The following C2CD3 variants were observed in gnomAD, a reference collection of about 807,000 sequenced individuals.
C2CD3 encodes C2 domain-containing protein 3.
A neutral mutation model predicts 234.0 loss-of-function variants in C2CD3; 148 were observed. That is an observed-to-expected ratio of 0.63 (90% CI 0.55 to 0.72). C2CD3 has a LOEUF of 0.72. Among genes scored for constraint, C2CD3 ranks in the 30% least tolerant of loss-of-function variants. The probability of loss-of-function intolerance (pLI) is 0.00; values close to 1 mark genes in which losing one functional copy is unlikely to be tolerated. For synonymous variants in C2CD3, 1,000 were observed against 1,035.4 expected (o/e 0.97, Z 0.66); for missense variants, 2,577 against 2,811.5 (o/e 0.92, Z 1.89).
chr11:74,107,704 C>A (rs1032744685), intron 12 of C2CD3, among the ~76,000 whole-genome samples: 1 of 151,966 alleles, frequency 6.6e-6, no homozygotes, highest in African/African-American at 2.4e-5. Flanking sequence ...CAAAATTATA[C>A]AACATACTGT....
intron 32 of C2CD3, among the ~76,000 whole-genome samples, chr11:74,025,781 C>A (rs1565204885): frequency 6.6e-6 from 1 of 152,068 alleles, no homozygotes; most frequent in Admixed American, 6.5e-5. Flanking sequence ...TCACCATCAT[C>A]CTATTAGGTA....
At chr11:74,055,802 T>G (rs1953926148) in intron 25 of C2CD3, among the ~76,000 whole-genome samples, 1 of 152,274 alleles carries the variant, frequency 6.6e-6, no homozygotes, top group Non-Finnish European at 1.5e-5. Context: ...CTTCCAATCC[T>G]GCCTCTGTTG....
At chr11:74,108,163 A>G (rs903043731) in intron 12 of C2CD3, 3 of 151,638 alleles carry the variant, frequency 2.0e-5, no homozygotes, top group Non-Finnish European at 4.4e-5. Flanking sequence ...AAAAAAAAAA[A>G]AAAGAAAAGA....
In C2CD3 at chr11:74,085,701, C is replaced by A; in HGVS notation, c.3827G>T (p.Cys1276Phe). Reference sequence around the variant, plus strand: ...TGCTAGGAAACAGGCCTCTCCACTACAGTGCTGAGTCACCAAGTTACATGT... The same window carrying A: ...TGCTAGGAAACAGGCCTCTCCACTAAAGTGCTGAGTCACCAAGTTACATGT... ...EFTCNLVTQH[C>F]SGEACFLAEL... The change falls in exon 21 of 33, where the codon TGT (cysteine) becomes TTT (phenylalanine). Residue 1276 changes from cysteine (C) to phenylalanine (F), a missense_variant. By Grantham distance (205) the Cys-to-Phe change is radical. Coordinates refer to ENST00000334126, the MANE Select transcript of C2CD3 (RefSeq NM_001286577.2). 1 of 1,614,104 alleles carries A rather than the reference C, an allele frequency of 6.2e-7. No homozygotes were observed. The highest frequency in any genetic ancestry group is 8.5e-7 in the Non-Finnish European group (1 of 1,180,004).
At chr11:74,067,595 T>G (rs1165383621) in intron 24 of C2CD3, among the ~76,000 whole-genome samples, 1 of 152,106 alleles carries the variant, frequency 6.6e-6, no homozygotes, top group Non-Finnish European at 1.5e-5. Flanking sequence ...AGGCAAAAAA[T>G]CAGTTAATGG....
chr11:74,013,913 G>A (rs931156496), intron 32 of C2CD3, among the ~76,000 whole-genome samples: 1 of 152,102 alleles, frequency 6.6e-6, no homozygotes, highest in Non-Finnish European at 1.5e-5. Context: ...TTGTCCTCTG[G>A]GTTTAGTCCC....
intron 30 of C2CD3, among the ~76,000 whole-genome samples, chr11:74,035,823 C>T (rs950823740): frequency 6.6e-6 from 1 of 151,530 alleles, no homozygotes; most frequent in Non-Finnish European, 1.5e-5. Flanking sequence ...CTTTCCATTT[C>T]TTCCAGGATA....
chr11:74,054,007 T>A (rs1291080116), intron 26 of C2CD3, among the ~76,000 whole-genome samples: 1 of 152,056 alleles, frequency 6.6e-6, no homozygotes, highest in African/African-American at 2.4e-5. Flanking sequence ...GCGCGGTGGC[T>A]CACGCCTGTA....
At chr11:74,014,468 C>T (rs1951807462) in intron 32 of C2CD3, among the ~76,000 whole-genome samples, 1 of 152,278 alleles carries the variant, frequency 6.6e-6, no homozygotes, top group Admixed American at 6.5e-5. Context: ...TGGTGGAGAC[C>T]CTAGAGACTG....
rs923452271 is a variant in C2CD3 at position 74,159,975 on chromosome 11, T to C, written c.483+1424A>G. On this transcript the variant is annotated intron_variant, in intron 3 of 32. Coordinates refer to ENST00000334126, the MANE Select transcript of C2CD3 (RefSeq NM_001286577.2). ...TCTTTTAACTTTTATACTGTTATTT[T>C]TATGTACTTTTTCTTTGTTTAGATA... Among the ~76,000 whole-genome samples the C allele has an allele frequency of 2.0e-5, 3 of 152,218 alleles. No homozygotes were observed. In the South Asian group the frequency reaches 6.2e-4, roughly 31 times the overall value.
Position 74,074,246 on chromosome 11 carries a change from A to G in C2CD3, c.4951+7T>C. On this transcript the variant is annotated splice_region_variant and intron_variant, in intron 24 of 32. Transcript: ENST00000334126. ...GACATGCTCCTGGGTAGGTGAGGAG[A>G]GCATACCTTTCAAGCTCAAGTGCAT... The G allele has an allele frequency of 6.2e-7, 1 of 1,602,760 alleles. No homozygotes were observed. The highest frequency in any genetic ancestry group is 8.5e-7 in the Non-Finnish European group (1 of 1,171,432).
rs746003507 is a variant in C2CD3, at chr11:74,137,581, A to ATT, written c.955+1137_955+1138dup. On this transcript the variant is annotated intron_variant, in intron 5 of 32. Coordinates refer to ENST00000334126, the MANE Select transcript of C2CD3 (RefSeq NM_001286577.2). ...TTTTTGGAATTTTATATATATATAT[A>ATT]TTTTTTCTTTTTTTTCTTTTTGAGA... Among the ~76,000 whole-genome samples, 498 of 149,456 alleles carry ATT rather than the reference A, an allele frequency of 3.3e-3. 3 individuals carry two copies. The Middle Eastern group carries it at 0.034, about 10-fold the overall frequency.
At chr11:74,081,802 G>T (rs1006541093) in intron 22 of C2CD3, among the ~76,000 whole-genome samples, 1 of 152,152 alleles carries the variant, frequency 6.6e-6, no homozygotes, top group African/African-American at 2.4e-5. Flanking sequence ...TTGGTGTATA[G>T]GAATGCTTGT....
intron 26 of C2CD3, 51 bp from the exon 27 acceptor site, chr11:74,049,593 CTGAG>C: frequency 4.8e-6 from 7 of 1,451,308 alleles, no homozygotes; most frequent in Non-Finnish European, 6.7e-6. Context: ...TGTCCTGCCA[CTGAG>C]ATTAGAGGGT....
At chr11:74,063,544 T>A (rs1954355389) in intron 24 of C2CD3, among the ~76,000 whole-genome samples, 1 of 152,162 alleles carries the variant, frequency 6.6e-6, no homozygotes, top group Non-Finnish European at 1.5e-5. Context: ...ATTATCTCAA[T>A]AGATGCAGAA....
rs182666870 is a variant in C2CD3, at chr11:74,113,636, C to T, written c.1843+144G>A. ...TGGAGGCTGCAGTGAGCAGAGATTG[C>T]GCCACCACACTCCAGCCTGGGCGAA... On this transcript the variant is annotated intron_variant, in intron 11 of 32. Coordinates refer to ENST00000334126, the MANE Select transcript of C2CD3 (RefSeq NM_001286577.2). 6,042 of 659,482 alleles carry T rather than the reference C, an allele frequency of 9.2e-3. 49 individuals carry two copies. The highest frequency in any genetic ancestry group is 0.013 in the Non-Finnish European group (4,542 of 363,184). The allele number at this position is 659,482 out of a possible 1,614,324, so 40.9% of individuals were successfully genotyped here. A position where few individuals can be genotyped will look rare whatever the true frequency, so the allele number is the denominator to read the frequency against.
At chr11:74,165,470 TATTA>T (rs1372692271) in intron 2 of C2CD3, among the ~76,000 whole-genome samples, 4 of 152,248 alleles carry the variant, frequency 2.6e-5, no homozygotes, top group African/African-American at 4.8e-5. Flanking sequence ...TGTGACAACA[TATTA>T]ATTAGTTTAC....
intron 10 of C2CD3, 92 bp downstream of exon 10, chr11:74,114,291 TC>T (rs1299848110): frequency 1.2e-6 from 1 of 846,932 alleles, no homozygotes; most frequent in African/African-American, 1.7e-5. Flanking sequence ...TGAAAACACA[TC>T]CCAAATCACA....
intron 7 of C2CD3, chr11:74,129,806 ACTCCGT>A (rs1225813581): frequency 5.2e-6 from 1 of 190,558 alleles, no homozygotes; most frequent in Non-Finnish European, 1.0e-5. Flanking sequence ...CGTGAACGAG[ACTCCGT>A]CTGCAATCCC....
Sources: gnomAD v4.1 joint callset for allele counts (sites outside exome capture counted in the v4.1 genomes callset) on GRCh38, gnomAD v4.1.1 for gene constraint, MANE v1.5 for transcripts, NCBI Gene and HGNC (gene_info 2026-07-23, HGNC 2026-07-21) for gene names.